Variants in SLC34A3 observed in about 807,000 individuals in gnomAD.
SLC34A3 encodes solute carrier family 34 member 3.
Under a neutral mutation model 43.9 loss-of-function variants are expected in SLC34A3, and 60 were observed. That is an observed-to-expected ratio of 1.37 (90% CI 1.11 to 1.70). The LOEUF is 1.70. Ranked by LOEUF, SLC34A3 falls within the 40% of genes most tolerant of loss-of-function variation. The probability of loss-of-function intolerance (pLI) is 0.00; values close to 1 mark genes in which losing one functional copy is unlikely to be tolerated. For missense variants in SLC34A3, 969 were observed against 823.8 expected (o/e 1.18, Z -2.16); for synonymous variants, 451 against 386.2 (o/e 1.17, Z -1.97).
Position 137,232,844 on chromosome 9 carries a change from T to G in SLC34A3, c.365T>G (p.Leu122Arg). Residue 122 changes from leucine to arginine, a missense_variant, in exon 5 of 13, where the codon CTG (leucine) becomes CGG (arginine). Coordinates refer to ENST00000673835, the MANE Select transcript of SLC34A3 (RefSeq NM_001177316.2). ...GTGCTGTCCAACCCTGTGGCTGGACTGGTCATTGGCGTGCTGGTCACAGCC... is the reference window on the plus strand; with the variant it reads ...GTGCTGTCCAACCCTGTGGCTGGACGGGTCATTGGCGTGCTGGTCACAGCC... Reference protein sequence around the residue: ...NVVLSNPVAGLVIGVLVTALV... With the variant: ...NVVLSNPVAGRVIGVLVTALV... 1.9e-6 allele frequency: 3 copies of G among 1,612,950 alleles called. No homozygotes were observed. The highest frequency in any genetic ancestry group is 2.5e-6 in the Non-Finnish European group (3 of 1,179,936).
In SLC34A3 at chr9:137,236,485, G is replaced by T. The variant is rs1305649887; in HGVS notation, c.*69G>T. 2 of 1,364,116 alleles carry T rather than the reference G, an allele frequency of 1.5e-6. No individual in the cohort carries two copies. The highest frequency in any genetic ancestry group is 2.0e-6 in the Non-Finnish European group (2 of 991,752). The allele number at this position is 1,364,116 out of a possible 1,614,324, so 84.5% of individuals were successfully genotyped here. On this transcript the variant is annotated 3_prime_UTR_variant, in exon 13 of 13. Transcript: ENST00000673835. ...GGGCTCTGGAGGGCCCTGGAGGGGG[G>T]GTCCCCGCGGCAGCTGACCTCCGGT...
chr9:137,234,206 CAT>C lies in SLC34A3; in HGVS notation c.1025_1026del (p.Ile342SerfsTer250). ...TGGTGCTCTGCGGCTGCCTGGTCCT[CAT>C]AGTCAAGCTGCTCAACTCTGTGCTG... is the stretch of plus-strand genomic sequence containing the variant. ...LLVLCGCLVLIVKLLNSVLRG... is the reference protein window; with the variant it reads ...LLVLCGCLVLXVKLLNSVLRG... On this transcript the variant is annotated frameshift_variant, in exon 10 of 13. Transcript: ENST00000673835. LOFTEE classifies it high-confidence loss of function. The surrounding 1 kb of genome is among the most constrained non-coding windows in gnomAD (Gnocchi z 6.9). The C allele has an allele frequency of 6.2e-7, 1 of 1,607,786 alleles. No homozygotes were observed. The highest frequency in any genetic ancestry group is 1.1e-5 in the South Asian group (1 of 90,278).
rs1010879889 is a variant in SLC34A3 at position 137,235,963 on chromosome 9, C to G, written c.1347C>G (p.Ile449Met). Residue 449 changes from isoleucine to methionine, a missense_variant, in exon 13 of 13, where the codon ATC (isoleucine) becomes ATG (methionine). By Grantham distance (10) the Ile-to-Met change is conservative. Transcript: ENST00000673835. Reference sequence around the variant, plus strand: ...CCCCTCGCCCCCAGGTCGCCCTCATCCACTTCTTCTTCAACCTGGCCGGCA... The same window carrying G: ...CCCCTCGCCCCCAGGTCGCCCTCATGCACTTCTTCTTCAACCTGGCCGGCA... ...RMLSALQVAL[I>M]HFFFNLAGIL... 6.2e-7 allele frequency: 1 copy of G among 1,612,084 alleles called. No individual in the cohort carries two copies. The highest frequency in any genetic ancestry group is 1.3e-5 in the African/African-American group (1 of 75,040).
In SLC34A3 at chr9:137,234,848, C is replaced by G. The variant is rs1397650063; in HGVS notation, c.1335+117C>G. On this transcript the variant is annotated intron_variant, in intron 12 of 12. Transcript: ENST00000673835. This position sits in a 1 kb window ranked among gnomAD's most constrained non-coding sequence, Gnocchi z 6.9. The stretch of plus-strand genomic sequence containing the variant: ...GGCTGTGCCCCCGCCTTCCTGGACC[C>G]CTTCCCTGGCCGCCAGCCTCAGCCC... 2.0e-6 allele frequency: 3 copies of G among 1,479,164 alleles called. No homozygotes were observed. In the Admixed American group the frequency reaches 5.3e-5, roughly 26 times the overall value. The allele number at this position is 1,479,164 out of a possible 1,614,324, so 91.6% of individuals were successfully genotyped here. A position where few individuals can be genotyped will look rare whatever the true frequency, so the allele number is the denominator to read the frequency against.
intron 2 of SLC34A3, 80 bp downstream of exon 2, chr9:137,231,867 T>G: frequency 7.4e-7 from 1 of 1,347,856 alleles, no homozygotes; most frequent in Non-Finnish European, 1.1e-6. Flanking sequence ...CAGGCCAGGT[T>G]TCCTGCGGGC....
chr9:137,234,313 A>T lies in SLC34A3; in HGVS notation c.1093+37A>T. On this transcript the variant is annotated intron_variant, in intron 10 of 12. Transcript: ENST00000673835. The surrounding 1 kb of genome is among the most constrained non-coding windows in gnomAD (Gnocchi z 6.9). ...GGAGGAGGTGCGGTGGCCAGGGCTG[A>T]CCCAGCATCCCCCATAGACTTCCCC... 1 of 1,606,272 alleles carries T rather than the reference A, an allele frequency of 6.2e-7. No homozygotes were observed. Among genetic ancestry groups the T allele is most frequent in the Non-Finnish European group, 8.5e-7 (1 of 1,179,062 alleles).
chr9:137,234,314 C>A lies in SLC34A3; in HGVS notation c.1093+38C>A. ...GAGGAGGTGCGGTGGCCAGGGCTGA[C>A]CCAGCATCCCCCATAGACTTCCCCT... On this transcript the variant is annotated intron_variant, in intron 10 of 12. Coordinates refer to ENST00000673835, the MANE Select transcript of SLC34A3 (RefSeq NM_001177316.2). This position sits in a 1 kb window ranked among gnomAD's most constrained non-coding sequence, Gnocchi z 6.9. The A allele has an allele frequency of 6.2e-7, 1 of 1,605,506 alleles. No individual in the cohort carries two copies. Among genetic ancestry groups the A allele is most frequent in the Non-Finnish European group, 8.5e-7 (1 of 1,178,930 alleles).
upstream of SLC34A3, among the ~76,000 whole-genome samples, chr9:137,230,356 C>T (rs1836142820): frequency 6.6e-6 from 1 of 152,194 alleles, no homozygotes; most frequent in South Asian, 2.1e-4. Flanking sequence ...CCAACCCTGC[C>T]CTGAACCCGG....
Position 137,233,264 on chromosome 9 carries a change from C to A in SLC34A3, c.616C>A (p.Leu206Met). The change falls in exon 7 of 13, where the codon CTG becomes ATG. Residue 206 changes from leucine (L) to methionine (M), a missense_variant. Leu to Met is a conservative substitution (Grantham distance 15, BLOSUM62 2). Coordinates refer to ENST00000673835, the MANE Select transcript of SLC34A3 (RefSeq NM_001177316.2). Reference protein sequence around the residue: ...GIFNWLTVLVLLPLESATALL... With the variant: ...GIFNWLTVLVMLPLESATALL... ...CTTCAACTGGCTCACAGTGCTGGTC[C>A]TGCTGCCACTGGAGAGCGCCACGGC... 1 of 1,581,518 alleles carries A rather than the reference C, an allele frequency of 6.3e-7. No individual in the cohort carries two copies. The highest frequency in any genetic ancestry group is 8.6e-7 in the Non-Finnish European group (1 of 1,163,964).
Position 137,234,232 on chromosome 9 carries a change from TGCGCGGCC to T in SLC34A3, c.1053_1060del (p.Arg353ProfsTer237). 2 of 1,609,972 alleles carry T rather than the reference TGCGCGGCC, an allele frequency of 1.2e-6. 1 individual carries two copies. Among genetic ancestry groups the T allele is most frequent in the Non-Finnish European group, 1.7e-6 (2 of 1,179,108 alleles). ...ATAGTCAAGCTGCTCAACTCTGTGC[TGCGCGGCC>T]GCGTGGCCCAGGTCGTGAGGACAGT... On this transcript the variant is annotated frameshift_variant, in exon 10 of 13. Coordinates refer to ENST00000673835, the MANE Select transcript of SLC34A3 (RefSeq NM_001177316.2). LOFTEE classifies it high-confidence loss of function. The surrounding 1 kb of genome is among the most constrained non-coding windows in gnomAD (Gnocchi z 6.9).
At chr9:137,233,779 T>TTGGGGGGCCCC in intron 8 of SLC34A3, 57 bp downstream of exon 8, 4 of 1,445,780 alleles carry the variant, frequency 2.8e-6, no homozygotes, top group East Asian at 2.3e-5. Flanking sequence ...TGCTGAGTCA[T>TTGGGGGGCCCC]CCCGCCCCAC....
chr9:137,236,218 G>A lies in SLC34A3; in HGVS notation c.1602G>A (p.Leu534=). 3 of 1,576,046 alleles carry A rather than the reference G, an allele frequency of 1.9e-6. No individual in the cohort carries two copies. The highest frequency in any genetic ancestry group is 2.6e-6 in the Non-Finnish European group (3 of 1,163,976). Residue 534 remains leucine (L), a synonymous_variant, in exon 13 of 13, where the codon CTG becomes CTA. Coordinates refer to ENST00000673835, the MANE Select transcript of SLC34A3 (RefSeq NM_001177316.2). ...TCCTCGTCATCCTGGTTACTGTCCT[G>A]CAGCGGCGCCGGCCGGCCTGGCTGC... ...LVLLVILVTV[L]QRRRPAWLPV...
Position 137,231,793 on chromosome 9 carries a change from A to G in SLC34A3, c.85+6A>G. 6.2e-7 allele frequency: 1 copy of G among 1,612,482 alleles called. No individual in the cohort carries two copies. Among genetic ancestry groups the G allele is most frequent in the South Asian group, 1.1e-5 (1 of 91,062 alleles). On this transcript the variant is annotated splice_donor_region_variant and intron_variant, in intron 2 of 12. Coordinates refer to ENST00000673835, the MANE Select transcript of SLC34A3 (RefSeq NM_001177316.2). ...AAAGACTCTGAGGAATGAAGGTACCAGTGGCCCCTGTGCCCCAGGCCTTCA... is the reference window on the plus strand; with the variant it reads ...AAAGACTCTGAGGAATGAAGGTACCGGTGGCCCCTGTGCCCCAGGCCTTCA...
In SLC34A3 at chr9:137,234,674, C is replaced by T. The variant is rs770738014; in HGVS notation, c.1278C>T (p.Thr426=). Residue 426 remains threonine, a synonymous_variant, in exon 12 of 13, where the codon ACC becomes ACT. Transcript: ENST00000673835. The surrounding 1 kb of genome is among the most constrained non-coding windows in gnomAD (Gnocchi z 6.9). ...TGGGCTCCAACATCGGCACCACTAC[C>T]ACAGCCCTGCTGGCTGCCCTGGCCA... ...LLLGSNIGTT[T]TALLAALASP... The T allele has an allele frequency of 5.0e-6, 8 of 1,612,222 alleles. No individual in the cohort carries two copies. The African/African-American group carries it at 1.1e-4, about 22-fold the overall frequency.
chr9:137,230,277 T>C (rs1836134990), upstream of SLC34A3, among the ~76,000 whole-genome samples: 1 of 152,114 alleles, frequency 6.6e-6, no homozygotes, highest in African/African-American at 2.4e-5. Flanking sequence ...TCCTCCCCTC[T>C]GCAGATGGAG....
rs1836428281 is a variant in SLC34A3 at position 137,234,115 on chromosome 9, A to G, written c.932A>G (p.His311Arg). 3 of 1,313,282 alleles carry G rather than the reference A, an allele frequency of 2.3e-6. No homozygotes were observed. Among genetic ancestry groups the G allele is most frequent in the Non-Finnish European group, 3.0e-6 (3 of 1,013,614 alleles). 81.4% of individuals were successfully genotyped at this position (1,313,282 alleles called of 1,614,324 possible). Residue 311 changes from histidine (H) to arginine (R), a missense_variant, in exon 10 of 13, where the codon CAC becomes CGC. Transcript: ENST00000673835. The surrounding 1 kb of genome is among the most constrained non-coding windows in gnomAD (Gnocchi z 6.9). ...GCCCCTGCCCTGCCCCCAGGCCGCCACCTGTTTGCGGGCACGGAGCTCACG... is the reference window on the plus strand; with the variant it reads ...GCCCCTGCCCTGCCCCCAGGCCGCCGCCTGTTTGCGGGCACGGAGCTCACG... ...TAPADRLPCR[H>R]LFAGTELTDL...
chr9:137,232,259 G>A (rs944586070), intron 3 of SLC34A3, 98 bp downstream of exon 3: 2 of 1,213,792 alleles, frequency 1.6e-6, no homozygotes, highest in Non-Finnish European at 2.4e-6. Flanking sequence ...AACAGGCTGT[G>A]TGTGGGGAAC....
At position 137,236,240 on chromosome 9, in the gene SLC34A3, C is replaced by T. The variant is rs1268724550; in HGVS notation, c.1624C>T (p.Leu542=). The T allele has an allele frequency of 6.4e-7, 1 of 1,553,164 alleles. No individual in the cohort carries two copies. The highest frequency in any genetic ancestry group is 8.7e-7 in the Non-Finnish European group (1 of 1,152,132). The change falls in exon 13 of 13, where the codon CTG becomes TTG. Residue 542 remains leucine (L), a synonymous_variant. Coordinates refer to ENST00000673835, the MANE Select transcript of SLC34A3 (RefSeq NM_001177316.2). The part of the protein sequence containing the change: ...TVLQRRRPAW[L]PVRLRSWAWL... ...CCTGCAGCGGCGCCGGCCGGCCTGG[C>T]TGCCTGTCCGCCTGCGCTCCTGGGC... is the stretch of plus-strand genomic sequence containing the variant.
chr9:137,230,062 G>A (rs913078052), upstream of SLC34A3, among the ~76,000 whole-genome samples: 45 of 152,208 alleles, frequency 3.0e-4, no homozygotes, highest in South Asian at 6.2e-4. Flanking sequence ...TGCACACAGC[G>A]GGGGCTGGGC....
Sources: gnomAD v4.1 joint callset for allele counts (sites outside exome capture counted in the v4.1 genomes callset) on GRCh38, gnomAD v4.1.1 for gene constraint, Gnocchi (gnomAD v3.1) non-coding constraint, MANE v1.5 for transcripts, NCBI Gene and HGNC (gene_info 2026-07-23, HGNC 2026-07-21) for gene names.